WASHC3: variants seen among roughly 807,000 people sequenced by gnomAD.
WASHC3 encodes WASH complex subunit CCDC53.
In WASHC3, 24 loss-of-function variants were observed where a neutral mutation model predicts 26.1. The ratio of observed to expected loss-of-function variants is 0.92; its 90% CI spans 0.66 to 1.29. The LOEUF (loss-of-function observed/expected upper bound fraction) is 1.29, where lower values mean the gene tolerates loss of function less well. WASHC3 is among the 50% of genes most tolerant of loss of function. The pLI is 0.00. For missense variants in WASHC3, 214 were observed against 229.6 expected (o/e 0.93, Z 0.44); for synonymous variants, 77 against 75.7 (o/e 1.02, Z -0.09).
At chr12:102,013,512 C>A (rs1322002441) in intron 6 of WASHC3, among the ~76,000 whole-genome samples, 3 of 152,108 alleles carry the variant, frequency 2.0e-5, no homozygotes, top group African/African-American at 2.4e-5. Flanking sequence ...GCTGGCATGA[C>A]CAGTGCTAAG....
chr12:102,029,046 T>C (rs904593958), intron 5 of WASHC3, among the ~76,000 whole-genome samples: 3 of 152,150 alleles, frequency 2.0e-5, no homozygotes, highest in African/African-American at 7.2e-5. Flanking sequence ...TTAATACGAA[T>C]CTCATAAAGC....
At chr12:102,013,344 T>C (rs1180844847) in intron 6 of WASHC3, among the ~76,000 whole-genome samples, 152 bp from the exon 7 acceptor site, 3 of 152,216 alleles carry the variant, frequency 2.0e-5, no homozygotes, top group African/African-American at 7.2e-5. Context: ...AGCGTGCTTC[T>C]CTCGGGCTTC....
At chr12:102,038,214 C>A (rs1877760064) in intron 5 of WASHC3, among the ~76,000 whole-genome samples, 1 of 152,086 alleles carries the variant, frequency 6.6e-6, no homozygotes, top group Admixed American at 6.5e-5. Flanking sequence ...CTAAATAAAT[C>A]TAGATAATAC....
chr12:102,036,704 GC>G (rs1440568575), intron 5 of WASHC3, among the ~76,000 whole-genome samples: 17 of 152,314 alleles, frequency 1.1e-4, no homozygotes, highest in Admixed American at 1.0e-3. Context: ...AGGAGGAGAT[GC>G]CAGGAAGAAG....
intron 5 of WASHC3, among the ~76,000 whole-genome samples, chr12:102,039,126 A>C (rs1323663920): frequency 4.3e-4 from 42 of 96,558 alleles, no homozygotes; most frequent in Middle Eastern, 6.1e-3. Context: ...ATATGGAGTT[A>C]GGTTTTTTTT....
chr12:102,046,184 G>T, intron 2 of WASHC3, 65 bp from the exon 3 acceptor site: 1 of 859,170 alleles, frequency 1.2e-6, no homozygotes, highest in Non-Finnish European at 1.9e-6. Flanking sequence ...ATAACTAAGG[G>T]CAGATATGAA....
chr12:102,038,606 A>C (rs1189018584), intron 5 of WASHC3, among the ~76,000 whole-genome samples: 1 of 152,106 alleles, frequency 6.6e-6, no homozygotes, highest in Non-Finnish European at 1.5e-5. Context: ...AGCTTTAAAA[A>C]CGTGTTCATC....
intron 2 of WASHC3, chr12:102,048,547 G>A (rs765994067): frequency 2.0e-5 from 3 of 151,422 alleles, no homozygotes; most frequent in Non-Finnish European, 2.9e-5. Flanking sequence ...CTTGGGCGAC[G>A]AGTGAGACTC....
intron 4 of WASHC3, 101 bp downstream of exon 4, chr12:102,044,003 CT>C: frequency 3.8e-6 from 2 of 521,120 alleles, no homozygotes; most frequent in Non-Finnish European, 6.9e-6. Flanking sequence ...TAAAATTTTA[CT>C]ATTAGAAGTT....
At chr12:102,015,349 A>C (rs1249175282) in intron 6 of WASHC3, among the ~76,000 whole-genome samples, 1 of 152,202 alleles carries the variant, frequency 6.6e-6, no homozygotes, top group Non-Finnish European at 1.5e-5. Flanking sequence ...AAACTATAAA[A>C]TTCATTAATT....
chr12:102,031,879 G>A (rs1428866963), intron 5 of WASHC3, among the ~76,000 whole-genome samples: 15 of 152,160 alleles, frequency 9.9e-5, no homozygotes, highest in Admixed American at 8.5e-4. Context: ...GTATGAACCA[G>A]TAGCTCCTCC....
At chr12:102,025,685 GA>G (rs771948063) in intron 6 of WASHC3, among the ~76,000 whole-genome samples, 1,399 of 73,908 alleles carry the variant, frequency 0.019, 7 homozygotes, top group Non-Finnish European at 0.029. Context: ...GCACAAAAAG[GA>G]AAAAAAAAAA....
chr12:102,036,848 C>T (rs1020925224), intron 5 of WASHC3, among the ~76,000 whole-genome samples: 1 of 151,948 alleles, frequency 6.6e-6, no homozygotes, highest in African/African-American at 2.4e-5. Context: ...AAATTGAACC[C>T]CTAATCATAC....
intron 5 of WASHC3, among the ~76,000 whole-genome samples, chr12:102,031,771 C>A (rs1002776237): frequency 3.3e-5 from 5 of 151,974 alleles, no homozygotes; most frequent in Admixed American, 2.0e-4. Flanking sequence ...AAATGAAATA[C>A]ATATTAATAT....
rs1184149146 is a variant in WASHC3 at position 102,061,255 on chromosome 12, C to T, written c.143G>A (p.Cys48Tyr). The T allele has an allele frequency of 1.9e-6, 3 of 1,612,790 alleles. No homozygotes were observed. The highest frequency in any genetic ancestry group is 2.5e-6 in the Non-Finnish European group (3 of 1,178,938). Residue 48 changes from cysteine to tyrosine, a missense_variant, in exon 2 of 7, where the codon TGT becomes TAT. Transcript: ENST00000240079. ...VQFLNRFSTV[C>Y]EEKLADLSLR... ...CAGTATCACCGGACCTACCTCCTCA[C>T]AAACTGTAGAAAAGCGGTTGAGGAA...
chr12:102,044,340 T>C (rs950868967), intron 3 of WASHC3, 128 bp from the exon 4 acceptor site: 15 of 388,432 alleles, frequency 3.9e-5, no homozygotes, highest in Admixed American at 4.5e-5. Flanking sequence ...TAATTTTCCA[T>C]GTCATAAACT....
At chr12:102,048,961 C>G (rs1279462862) in intron 2 of WASHC3, among the ~76,000 whole-genome samples, 2 of 152,056 alleles carry the variant, frequency 1.3e-5, no homozygotes, top group African/African-American at 4.8e-5. Flanking sequence ...TATAACATAC[C>G]TGAATGTATA....
intron 5 of WASHC3, among the ~76,000 whole-genome samples, chr12:102,030,103 C>T (rs920484726): frequency 3.4e-4 from 52 of 151,960 alleles, no homozygotes; most frequent in African/African-American, 1.1e-3. Flanking sequence ...CGAGACCAGC[C>T]TGACCAACAT....
intron 6 of WASHC3, among the ~76,000 whole-genome samples, chr12:102,017,464 G>A (rs1229109347): frequency 1.3e-5 from 2 of 152,214 alleles, no homozygotes; most frequent in Non-Finnish European, 2.9e-5. Context: ...TGTGATTCGA[G>A]TAAGACTTTG....
Sources: gnomAD v4.1 joint callset for allele counts (sites outside exome capture counted in the v4.1 genomes callset) on GRCh38, gnomAD v4.1.1 for gene constraint, MANE v1.5 for transcripts, NCBI Gene and HGNC (gene_info 2026-07-23, HGNC 2026-07-21) for gene names.